Variants in SLC35F3 observed in about 807,000 individuals in gnomAD.
SLC35F3 encodes the protein putative thiamine transporter SLC35F3.
A neutral mutation model predicts 49.9 loss-of-function variants in SLC35F3; 25 were observed. The ratio of observed to expected loss-of-function variants is 0.50; its 90% CI spans 0.37 to 0.70. SLC35F3 has a LOEUF of 0.70. Ranked by LOEUF, SLC35F3 falls within the 30% of genes least tolerant of loss-of-function variation. SLC35F3 has a pLI of 0.00. For missense variants in SLC35F3, 525 were observed against 639.8 expected (o/e 0.82, Z 1.94); for synonymous variants, 275 against 265.4 (o/e 1.04, Z -0.35).
intron 2 of SLC35F3, among the ~76,000 whole-genome samples, chr1:234,194,366 G>GT (rs933671404): frequency 5.9e-5 from 9 of 152,282 alleles, no homozygotes; most frequent in South Asian, 2.1e-4. Flanking sequence ...AACATCGCAT[G>GT]TTCTCACTCA....
At chr1:234,040,391 G>A (rs755556630) in intron 2 of SLC35F3, among the ~76,000 whole-genome samples, 4 of 152,132 alleles carry the variant, frequency 2.6e-5, no homozygotes, top group Non-Finnish European at 4.4e-5. Flanking sequence ...GGAGAGAGAG[G>A]GCAAATAGGG....
intron 2 of SLC35F3, among the ~76,000 whole-genome samples, chr1:233,946,995 TAAGC>T (rs779565466): frequency 6.6e-6 from 1 of 152,190 alleles, no homozygotes; most frequent in Non-Finnish European, 1.5e-5. Context: ...CATTGATAGA[TAAGC>T]AAGTAAAATA....
intron 3 of SLC35F3, among the ~76,000 whole-genome samples, chr1:234,238,653 T>C (rs1188014514): frequency 6.6e-6 from 1 of 152,130 alleles, no homozygotes; most frequent in Non-Finnish European, 1.5e-5. Context: ...TAACATATGC[T>C]GGCTTCATCC....
At chr1:234,078,995 A>T (rs1185201960) in intron 2 of SLC35F3, among the ~76,000 whole-genome samples, 1 of 152,242 alleles carries the variant, frequency 6.6e-6, no homozygotes, top group East Asian at 1.9e-4. Context: ...CATATAGAAA[A>T]ACAAGGGACA....
At chr1:234,241,689 T>G (rs1268296000) in intron 3 of SLC35F3, among the ~76,000 whole-genome samples, 1 of 150,068 alleles carries the variant, frequency 6.7e-6, no homozygotes, top group African/African-American at 2.5e-5. Flanking sequence ...GAGCTGAGAT[T>G]GTACCATTGC....
Position 234,076,576 on chromosome 1 carries a change from C to T in SLC35F3, c.284-154841C>T, listed in dbSNP as rs143668048. On this transcript the variant is annotated intron_variant, in intron 2 of 7. Transcript: ENST00000366618. ...TCCCAGGTTCAAGCAATTCTTCTGC[C>T]TCAGCCTACCAAGTAGCTGGGATTA... is the stretch of plus-strand genomic sequence containing the variant. 0.026 allele frequency among the ~76,000 whole-genome samples: 3,996 copies of T among 152,000 alleles called. 304 individuals are homozygous for T. The East Asian group carries it at 0.31, about 12-fold the overall frequency.
intron 2 of SLC35F3, among the ~76,000 whole-genome samples, chr1:234,158,797 G>A (rs1415425190): frequency 2.6e-5 from 4 of 152,026 alleles, no homozygotes; most frequent in African/African-American, 9.7e-5. Flanking sequence ...CATTACCTGT[G>A]GTGGACAAAA....
At chr1:234,000,808 G>A (rs1020360600) in intron 2 of SLC35F3, among the ~76,000 whole-genome samples, 2 of 152,202 alleles carry the variant, frequency 1.3e-5, no homozygotes, top group African/African-American at 4.8e-5. Flanking sequence ...GCCAGAGCGG[G>A]TGTGGAGCTG....
chr1:233,954,094 C>T (rs1038635239), intron 2 of SLC35F3, among the ~76,000 whole-genome samples: 2 of 151,932 alleles, frequency 1.3e-5, no homozygotes, highest in South Asian at 2.1e-4. Flanking sequence ...GCAACCTCCA[C>T]CTCCCGGGTT....
intron 2 of SLC35F3, among the ~76,000 whole-genome samples, chr1:234,133,105 G>T (rs1665758726): frequency 6.6e-6 from 1 of 152,176 alleles, no homozygotes; most frequent in African/African-American, 2.4e-5. Flanking sequence ...GCCTGACTCT[G>T]CACATAATAT....
At chr1:234,021,970 TTGTTATG>T (rs1451085260) in intron 2 of SLC35F3, among the ~76,000 whole-genome samples, 5 of 152,242 alleles carry the variant, frequency 3.3e-5, no homozygotes, top group Non-Finnish European at 5.9e-5. Context: ...CAGACCTTGG[TTGTTATG>T]TTGAATACAT....
chr1:234,139,969 TAAA>T (rs1262523459), intron 2 of SLC35F3, among the ~76,000 whole-genome samples: 2 of 134,194 alleles, frequency 1.5e-5, no homozygotes, highest in African/African-American at 5.6e-5. Context: ...TAAAATAAAA[TAAA>T]ATAAAATAAA....
At chr1:234,113,257 A>G (rs971359817) in intron 2 of SLC35F3, among the ~76,000 whole-genome samples, 1 of 152,228 alleles carries the variant, frequency 6.6e-6, no homozygotes, top group African/African-American at 2.4e-5. Context: ...GACCTGGGAC[A>G]TAAAAGAATC....
In SLC35F3 at chr1:234,199,909, G is replaced by T. The variant is rs1221788381; in HGVS notation, c.284-31508G>T. On this transcript the variant is annotated intron_variant, in intron 2 of 7. Transcript: ENST00000366618. ...GAAAAAATGCTCAACATCTCTATCA[G>T]GTAAATGCAAGTTAAAACCACAATG... 3.3e-5 allele frequency among the ~76,000 whole-genome samples: 5 copies of T among 152,244 alleles called. No individual in the cohort carries two copies. In the East Asian group the frequency reaches 9.6e-4, roughly 29 times the overall value.
intron 2 of SLC35F3, among the ~76,000 whole-genome samples, chr1:234,041,647 TC>T (rs1664223227): frequency 3.9e-5 from 6 of 152,194 alleles, no homozygotes; most frequent in African/African-American, 1.4e-4. Context: ...TTGCAAATAC[TC>T]TTCTAATCAC....
chr1:234,253,409 A>T (rs1238027930), intron 3 of SLC35F3, among the ~76,000 whole-genome samples: 1 of 151,984 alleles, frequency 6.6e-6, no homozygotes, highest in African/African-American at 2.4e-5. Context: ...TGCAATAAGG[A>T]AAGATCTCTA....
At chr1:233,942,029 C>T (rs1045540997) in intron 2 of SLC35F3, among the ~76,000 whole-genome samples, 2 of 147,670 alleles carry the variant, frequency 1.4e-5, no homozygotes, top group Admixed American at 1.4e-4. Context: ...GGCACGATCT[C>T]GGATCACTGC....
At chr1:234,257,297 T>C (rs1171667057) in intron 3 of SLC35F3, among the ~76,000 whole-genome samples, 1 of 152,220 alleles carries the variant, frequency 6.6e-6, no homozygotes, top group African/African-American at 2.4e-5. Flanking sequence ...CATTCTCTTT[T>C]AAACCCTCTT....
At chr1:234,065,725 T>C (rs1664607276) in intron 2 of SLC35F3, among the ~76,000 whole-genome samples, 1 of 152,238 alleles carries the variant, frequency 6.6e-6, no homozygotes, top group Non-Finnish European at 1.5e-5. Flanking sequence ...CTTGGTTGAC[T>C]ACACCTTAAC....
Sources: gnomAD v4.1 joint callset for allele counts (sites outside exome capture counted in the v4.1 genomes callset) on GRCh38, gnomAD v4.1.1 for gene constraint, MANE v1.5 for transcripts, NCBI Gene and HGNC (gene_info 2026-07-23, HGNC 2026-07-21) for gene names.